The following INO80 variants were observed in gnomAD, a reference collection of about 807,000 sequenced individuals.
The protein encoded by INO80 is chromatin-remodeling ATPase INO80.
INO80 carries 20 observed loss-of-function variants against 203.4 expected under a neutral mutation model. That is an observed-to-expected ratio of 0.10 (90% CI 0.07 to 0.14). INO80 has a LOEUF of 0.14. Among genes scored for constraint, INO80 ranks in the 10% least tolerant of loss-of-function variants. The probability of loss-of-function intolerance (pLI) is 1.00; values close to 1 mark genes in which losing one functional copy is unlikely to be tolerated. For synonymous variants in INO80, 726 were observed against 685.2 expected (o/e 1.06, Z -0.93); for missense variants, 1,419 against 1,914.4 (o/e 0.74, Z 4.83).
chr15:41,101,125 G>A (rs911699401), intron 1 of INO80, among the ~76,000 whole-genome samples: 1 of 151,860 alleles, frequency 6.6e-6, no homozygotes, highest in Non-Finnish European at 1.5e-5. Context: ...CCACCCACCC[G>A]GCTGACAATC....
chr15:40,998,983 T>TACACACACACACACACACACACACAC (rs10650860), intron 28 of INO80, among the ~76,000 whole-genome samples: 14 of 140,436 alleles, frequency 1.0e-4, no homozygotes, highest in African/African-American at 3.5e-4. Flanking sequence ...AAGATTTATC[T>TACACACACACACACACACACACACAC]ACACACACAC....
At chr15:41,078,147 C>T (rs1465038309) in intron 9 of INO80, among the ~76,000 whole-genome samples, 1 of 152,116 alleles carries the variant, frequency 6.6e-6, no homozygotes, top group Non-Finnish European at 1.5e-5. Context: ...ATCCACCCAC[C>T]TCGGCCTCCC....
intron 24 of INO80, among the ~76,000 whole-genome samples, chr15:41,040,726 A>T: frequency 6.6e-6 from 1 of 152,010 alleles, no homozygotes; most frequent in East Asian, 1.9e-4. Flanking sequence ...ATCCTGAGCT[A>T]CGACTGCATC....
At chr15:40,994,145 T>A (rs965030067) in intron 29 of INO80, among the ~76,000 whole-genome samples, 1 of 152,188 alleles carries the variant, frequency 6.6e-6, no homozygotes, top group African/African-American at 2.4e-5. Flanking sequence ...ATGCCAAGCA[T>A]GTTCTCACCT....
chr15:41,049,682 T>G (rs944772269), intron 20 of INO80, among the ~76,000 whole-genome samples: 1 of 152,156 alleles, frequency 6.6e-6, no homozygotes, highest in African/African-American at 2.4e-5. Context: ...GGCCAAGAGT[T>G]TGAGAGCAGC....
In INO80 at chr15:41,100,535, T is replaced by C. The variant is rs373683676; in HGVS notation, c.-43-4182A>G. On this transcript the variant is annotated intron_variant, in intron 1 of 35. Coordinates refer to ENST00000648947, the MANE Select transcript of INO80 (RefSeq NM_017553.3). ...TACATCAGTCCTGTCAACTGATTCA[T>C]CCCAGAAATCATCTTTGCAGCATAT... Among the ~76,000 whole-genome samples, 4 of 152,286 alleles carry C rather than the reference T, an allele frequency of 2.6e-5. No homozygotes were observed. The South Asian group carries it at 8.3e-4, about 32-fold the overall frequency.
Position 41,016,108 on chromosome 15 carries a change from T to G in INO80, c.3382A>C (p.Arg1128=), listed in dbSNP as rs2044204532. ...CCTACCTCCAGTAGGTCTATCATCC[T>G]GGTCATCTGGGAGTAGATAAGGACC... is the stretch of plus-strand genomic sequence containing the variant. The part of the protein sequence containing the change: ...HRVLIYSQMT[R]MIDLLEEYMV... The change falls in exon 27 of 36, where the codon AGG becomes CGG. Residue 1128 remains arginine (R), a synonymous_variant. Transcript: ENST00000648947. 1.2e-6 allele frequency: 2 copies of G among 1,613,544 alleles called. No homozygotes were observed. Among genetic ancestry groups the G allele is most frequent in the Non-Finnish European group, 1.7e-6 (2 of 1,179,590 alleles).
chr15:41,099,237 CAAAAAA>C (rs71104771), intron 1 of INO80, among the ~76,000 whole-genome samples: 2,792 of 20,638 alleles, frequency 0.14, 80 homozygotes, highest in African/African-American at 0.31. Flanking sequence ...GACCCTGTCT[CAAAAAA>C]AAAAAAAAAA....
intron 13 of INO80, 81 bp downstream of exon 13, chr15:41,070,386 A>G: frequency 8.3e-7 from 1 of 1,198,998 alleles, no homozygotes; most frequent in Non-Finnish European, 1.2e-6. Flanking sequence ...AGCTTAACAT[A>G]GTGCTTTTAA....
At chr15:41,055,945 G>GTTAT (rs2044975589) in intron 17 of INO80, among the ~76,000 whole-genome samples, 1 of 128,586 alleles carries the variant, frequency 7.8e-6, no homozygotes, top group African/African-American at 2.9e-5. Flanking sequence ...TCTTCTTTTG[G>GTTAT]TTTTTTTTTT....
At chr15:41,059,177 G>T (rs1161981132) in intron 15 of INO80, among the ~76,000 whole-genome samples, 1 of 150,144 alleles carries the variant, frequency 6.7e-6, no homozygotes, top group African/African-American at 2.5e-5. Context: ...ACCCAGGCTG[G>T]TCTCGAACTC....
intron 6 of INO80, among the ~76,000 whole-genome samples, chr15:41,086,475 A>C (rs2140641610): frequency 6.6e-6 from 1 of 152,130 alleles, no homozygotes; most frequent in South Asian, 2.1e-4. Context: ...ACATGGTGAA[A>C]CCCCATCTCT....
intron 24 of INO80, among the ~76,000 whole-genome samples, chr15:41,036,876 C>T (rs1255295337): frequency 2.0e-5 from 3 of 151,954 alleles, no homozygotes; most frequent in Admixed American, 6.6e-5. Context: ...GAGGTCAGGC[C>T]GGTTACTTGA....
At chr15:41,099,777 C>G (rs1300752985) in intron 1 of INO80, among the ~76,000 whole-genome samples, 1 of 141,108 alleles carries the variant, frequency 7.1e-6, no homozygotes, top group East Asian at 1.9e-4. Flanking sequence ...GTGAGACTAT[C>G]CAAAAAAAAA....
intron 29 of INO80, among the ~76,000 whole-genome samples, chr15:40,990,238 C>A (rs1314969546): frequency 1.3e-5 from 2 of 152,170 alleles, no homozygotes; most frequent in African/African-American, 2.4e-5. Context: ...ACAGTAGTAA[C>A]AAAACTTGGC....
chr15:41,115,416 C>A (rs2046018251), intron 1 of INO80, among the ~76,000 whole-genome samples: 1 of 152,218 alleles, frequency 6.6e-6, no homozygotes, highest in African/African-American at 2.4e-5. Flanking sequence ...GAGGTGTCAT[C>A]TAGACACTCC....
intron 27 of INO80, chr15:41,011,800 T>C (rs1210592157): frequency 1.3e-5 from 2 of 152,110 alleles, no homozygotes; most frequent in African/African-American, 2.4e-5. Flanking sequence ...GGATAAATCT[T>C]CCCCCAGTGA....
In INO80 at chr15:40,979,249, A is replaced by T. The variant is rs9796; in HGVS notation, c.*974T>A. On this transcript the variant is annotated 3_prime_UTR_variant, in exon 36 of 36. Transcript: ENST00000648947. Reference sequence around the variant, plus strand: ...GCAGGGACAGGCAGAAACACCTCCCATGCAAACACTGCCCCTCTGTCTCTA... The same window carrying T: ...GCAGGGACAGGCAGAAACACCTCCCTTGCAAACACTGCCCCTCTGTCTCTA... The T allele has an allele frequency of 0.36, 55,112 of 152,522 alleles. 11,180 individuals carry two copies. Among genetic ancestry groups the T allele is most frequent in the Non-Finnish European group, 0.46 (31,556 of 67,984 alleles). 9.4% of individuals were successfully genotyped at this position (152,522 alleles called of 1,614,324 possible). A position where few individuals can be genotyped will look rare whatever the true frequency, so the allele number is the denominator to read the frequency against.
At chr15:41,079,616 A>G in intron 9 of INO80, 85 bp downstream of exon 9, 1 of 1,075,384 alleles carries the variant, frequency 9.3e-7, no homozygotes, top group Non-Finnish European at 1.4e-6. Flanking sequence ...GTCATTGGTT[A>G]GATGTACAAT....
Sources: allele counts gnomAD v4.1 joint callset (sites outside exome capture counted in the v4.1 genomes callset), GRCh38; gene constraint gnomAD v4.1.1; transcripts MANE v1.5; gene names NCBI Gene and HGNC (gene_info 2026-07-23, HGNC 2026-07-21).